ZC3H14: variants seen among roughly 807,000 people sequenced by gnomAD.
The protein encoded by ZC3H14 is zinc finger CCCH-type containing 14.
A neutral mutation model predicts 92.4 loss-of-function variants in ZC3H14; 31 were observed. The ratio of observed to expected loss-of-function variants is 0.34; its 90% CI spans 0.25 to 0.45. ZC3H14 has a LOEUF of 0.45. ZC3H14 is among the 20% of genes least tolerant of loss of function. The pLI, the probability that ZC3H14 is intolerant of heterozygous loss-of-function variation, is 1.00. For synonymous variants in ZC3H14, 321 were observed against 300.9 expected, an observed-to-expected ratio of 1.07 and a Z score of -0.69; for missense variants, 781 against 897.3, an observed-to-expected ratio of 0.87 and a Z score of 1.66.
chr14:88,621,053 A>C lies in ZC3H14; in HGVS notation c.*9302A>C. ...AGTTCTTTAAGTACTAGCAATTTAG[A>C]ACTTCCAACTTTTCTTTTTAGAAGT... On this transcript the variant is annotated 3_prime_UTR_variant, in exon 17 of 17. Transcript: ENST00000251038. 1 of 1,528,266 alleles carries C rather than the reference A, an allele frequency of 6.5e-7. No homozygotes were observed. The highest frequency in any genetic ancestry group is 1.3e-5 in the South Asian group (1 of 77,838). The allele number at this position is 1,528,266 out of a possible 1,614,324, so 94.7% of individuals were successfully genotyped here.
At position 88,627,340 on chromosome 14, in the gene ZC3H14, A is replaced by G; in HGVS notation, c.*15589A>G. On this transcript the variant is annotated 3_prime_UTR_variant, in exon 17 of 17. Transcript: ENST00000251038. The stretch of plus-strand genomic sequence containing the variant: ...ATCATTAGAAATATACATAATTTTC[A>G]TAAGAATCTCCAAAACCAATCAAAT... 2 of 454,886 alleles carry G rather than the reference A, an allele frequency of 4.4e-6. No individual in the cohort carries two copies. Among genetic ancestry groups the G allele is most frequent in the Non-Finnish European group, 7.7e-6 (2 of 258,402 alleles). The allele number at this position is 454,886 out of a possible 1,614,324, so 28.2% of individuals were successfully genotyped here. A position where few individuals can be genotyped will look rare whatever the true frequency, so the allele number is the denominator to read the frequency against.
chr14:88,577,980 GA>G lies in ZC3H14; in HGVS notation c.1124-2del. On this transcript the variant is annotated splice_polypyrimidine_tract_variant and splice_region_variant and intron_variant, in intron 8 of 16. Coordinates refer to ENST00000251038, the MANE Select transcript of ZC3H14 (RefSeq NM_024824.5). ...ATTTCTATCTTTTTTGCTTTTATGT[GA>G]AAGTTCCACAGAAACAGACACTTCC... 6.2e-7 allele frequency: 1 copy of G among 1,614,016 alleles called. No homozygotes were observed. Among genetic ancestry groups the G allele is most frequent in the Non-Finnish European group, 8.5e-7 (1 of 1,179,998 alleles).
At chr14:88,608,366 G>A (rs2085959656) in intron 13 of ZC3H14, 1 of 452,758 alleles carries the variant, frequency 2.2e-6, no homozygotes, top group Admixed American at 2.3e-5. Context: ...CACCCTGCAA[G>A]TCATAGCCAG....
At position 88,563,706 on chromosome 14, in the gene ZC3H14, T is replaced by C. The variant is rs1391885516; in HGVS notation, c.79+13T>C. 1.9e-6 allele frequency: 3 copies of C among 1,612,996 alleles called. No individual in the cohort carries two copies. Among genetic ancestry groups the C allele is most frequent in the South Asian group, 1.1e-5 (1 of 91,042 alleles). On this transcript the variant is annotated intron_variant, in intron 2 of 16. Coordinates refer to ENST00000251038, the MANE Select transcript of ZC3H14 (RefSeq NM_024824.5). ...GGAGCTTATGTTGGTAAGTGTTTTT[T>C]TGGTTGTTAGTCTTACAGAATTTAG...
intron 9 of ZC3H14, chr14:88,591,652 G>A (rs74075829): frequency 2.6e-5 from 4 of 152,152 alleles, no homozygotes; most frequent in Admixed American, 6.5e-5. Context: ...TGCTTTGCTC[G>A]GAGGGAAGAA....
At chr14:88,575,126 G>A (rs1350104622) in intron 7 of ZC3H14, among the ~76,000 whole-genome samples, 4 of 151,940 alleles carry the variant, frequency 2.6e-5, no homozygotes, top group Non-Finnish European at 4.4e-5. Flanking sequence ...TAGTAGAGAT[G>A]GTGTTTCACC....
At position 88,594,843 on chromosome 14, in the gene ZC3H14, T is replaced by G. The variant is rs371297520; in HGVS notation, c.1280-1891T>G. On this transcript the variant is annotated intron_variant, in intron 9 of 16. Transcript: ENST00000251038. ...GTTCACTGAATGAGCTAGACAATATTTCCCACCTTTTAAGGAAAATATCAG... is the reference window on the plus strand; with the variant it reads ...GTTCACTGAATGAGCTAGACAATATGTCCCACCTTTTAAGGAAAATATCAG... 18 of 1,614,106 alleles carry G rather than the reference T, an allele frequency of 1.1e-5. No homozygotes were observed. In the Middle Eastern group the frequency reaches 6.6e-4, roughly 59 times the overall value.
chr14:88,627,002 C>T lies in ZC3H14; in HGVS notation c.*15251C>T. ...TCTGAATCTGGTCGGAATTCTGCCA[C>T]AAAAATACGTTGATTGTGACCAGCT... On this transcript the variant is annotated 3_prime_UTR_variant, in exon 17 of 17. Coordinates refer to ENST00000251038, the MANE Select transcript of ZC3H14 (RefSeq NM_024824.5). 6.2e-7 allele frequency: 1 copy of T among 1,613,822 alleles called. No homozygotes were observed. Among genetic ancestry groups the T allele is most frequent in the Non-Finnish European group, 8.5e-7 (1 of 1,179,854 alleles).
intron 9 of ZC3H14, 139 bp from the exon 10 acceptor site, chr14:88,596,586 TCTATAAATA>T: frequency 1.4e-6 from 1 of 710,846 alleles, no homozygotes; most frequent in African/African-American, 1.8e-5. Flanking sequence ...ATGTCTTTGG[TCTATAAATA>T]CTATTAAATT....
intron 3 of ZC3H14, among the ~76,000 whole-genome samples, chr14:88,570,671 CTT>C (rs1183750399): frequency 6.6e-6 from 1 of 152,164 alleles, no homozygotes; most frequent in Non-Finnish European, 1.5e-5. Flanking sequence ...AGATGATATT[CTT>C]TCCCATATTT....
intron 12 of ZC3H14, among the ~76,000 whole-genome samples, chr14:88,606,718 A>G (rs1299896171): frequency 7.0e-6 from 1 of 143,348 alleles, no homozygotes. Flanking sequence ...ACTGTACTCC[A>G]TCCTGGGTGA....
At position 88,618,786 on chromosome 14, in the gene ZC3H14, G is replaced by T; in HGVS notation, c.*7035G>T. The T allele has an allele frequency of 6.3e-7, 1 of 1,594,752 alleles. No individual in the cohort carries two copies. The highest frequency in any genetic ancestry group is 8.6e-7 in the Non-Finnish European group (1 of 1,169,250). On this transcript the variant is annotated 3_prime_UTR_variant, in exon 17 of 17. Coordinates refer to ENST00000251038, the MANE Select transcript of ZC3H14 (RefSeq NM_024824.5). ...CACTGAGTTCTCACTAGAACCTACT[G>T]CCAGATACCGGGAATCCGGACTAAA...
At chr14:88,585,666 A>G (rs576975243) in intron 9 of ZC3H14, among the ~76,000 whole-genome samples, 4 of 152,250 alleles carry the variant, frequency 2.6e-5, no homozygotes, top group African/African-American at 9.6e-5. Flanking sequence ...TTGGGATTAT[A>G]GGTGTGAGCC....
Position 88,563,646 on chromosome 14 carries a change from C to G in ZC3H14, c.37-5C>G, listed in dbSNP as rs369058779. 4 of 1,614,200 alleles carry G rather than the reference C, an allele frequency of 2.5e-6. No homozygotes were observed. The highest frequency in any genetic ancestry group is 3.4e-6 in the Non-Finnish European group (4 of 1,179,994). Reference sequence around the variant, plus strand: ...TCACATGCACGTTTGCTCTTTTTCTCTCAGAGTGCCATTAAGGGGAAATTA... The same window carrying G: ...TCACATGCACGTTTGCTCTTTTTCTGTCAGAGTGCCATTAAGGGGAAATTA... On this transcript the variant is annotated splice_region_variant and splice_polypyrimidine_tract_variant and intron_variant, in intron 1 of 16. Coordinates refer to ENST00000251038, the MANE Select transcript of ZC3H14 (RefSeq NM_024824.5).
At chr14:88,583,265 C>T (rs186277128) in intron 9 of ZC3H14, among the ~76,000 whole-genome samples, 9 of 151,746 alleles carry the variant, frequency 5.9e-5, no homozygotes, top group Middle Eastern at 3.4e-3. Flanking sequence ...CATAGGCACA[C>T]GCCACCACGC....
intron 9 of ZC3H14, chr14:88,595,057 C>A: frequency 6.2e-7 from 1 of 1,613,368 alleles, no homozygotes; most frequent in Non-Finnish European, 8.5e-7. Context: ...TACTGAATCA[C>A]AGTCAAGAAC....
intron 6 of ZC3H14, among the ~76,000 whole-genome samples, chr14:88,574,115 A>G (rs2080851927): frequency 6.6e-6 from 1 of 152,166 alleles, no homozygotes; most frequent in East Asian, 1.9e-4. Flanking sequence ...CTAGTGAGCA[A>G]CCAATTAACT....
At position 88,626,894 on chromosome 14, in the gene ZC3H14, G is replaced by A. The variant is rs1473802399; in HGVS notation, c.*15143G>A. 5.6e-6 allele frequency: 9 copies of A among 1,614,010 alleles called. No homozygotes were observed. In the Admixed American group the frequency reaches 1.0e-4, roughly 18 times the overall value. On this transcript the variant is annotated 3_prime_UTR_variant, in exon 17 of 17. Coordinates refer to ENST00000251038, the MANE Select transcript of ZC3H14 (RefSeq NM_024824.5). ...ATCCGGGCATCTTCCAGTGTGCTCA[G>A]TAGCCCTTTTTTGCTAAGAAGAGCT...
rs1344515126 is a variant in ZC3H14 at position 88,612,930 on chromosome 14, C to A, written c.*1179C>A. On this transcript the variant is annotated 3_prime_UTR_variant, in exon 17 of 17. Coordinates refer to ENST00000251038, the MANE Select transcript of ZC3H14 (RefSeq NM_024824.5). Reference sequence around the variant, plus strand: ...AGGTGGTTAGAAAAGTGGATTAATGCAAAAGGGGTAATAAAGACTGCAACA... The same window carrying A: ...AGGTGGTTAGAAAAGTGGATTAATGAAAAAGGGGTAATAAAGACTGCAACA... 1 of 149,032 alleles carries A rather than the reference C, an allele frequency of 6.7e-6. No individual in the cohort carries two copies. The highest frequency in any genetic ancestry group is 6.7e-5 in the Admixed American group (1 of 14,868). The allele number at this position is 149,032 out of a possible 1,614,324, so 9.2% of individuals were successfully genotyped here. A position where few individuals can be genotyped will look rare whatever the true frequency, so the allele number is the denominator to read the frequency against.
Sources: gnomAD v4.1 joint callset for allele counts (sites outside exome capture counted in the v4.1 genomes callset) on GRCh38, gnomAD v4.1.1 for gene constraint, MANE v1.5 for transcripts, NCBI Gene and HGNC (gene_info 2026-07-23, HGNC 2026-07-21) for gene names.